Variants in ANKAR observed in about 807,000 individuals in gnomAD.
ANKAR encodes the protein ankyrin and armadillo repeat-containing protein.
ANKAR carries 136 observed loss-of-function variants against 146.2 expected under a neutral mutation model. The observed-to-expected ratio is 0.93, with a 90% CI of 0.81 to 1.07. ANKAR has a LOEUF of 1.07. ANKAR is among the 50% of genes least tolerant of loss of function. ANKAR has a pLI of 0.00. For missense variants in ANKAR, 1,567 were observed against 1,679.9 expected, an observed-to-expected ratio of 0.93 and a Z score of 1.18; for synonymous variants, 500 against 575.8, an observed-to-expected ratio of 0.87 and a Z score of 1.88.
intron 7 of ANKAR, among the ~76,000 whole-genome samples, chr2:189,704,406 A>C (rs1342092215): frequency 6.6e-6 from 1 of 151,188 alleles, no homozygotes; most frequent in Non-Finnish European, 1.5e-5. Context: ...CAGCTTCCCA[A>C]AGTGCTGGGA....
chr2:189,693,071 T>A lies in ANKAR; in HGVS notation c.1204-3T>A, dbSNP rs1219645355. 1 of 1,429,794 alleles carries A rather than the reference T, an allele frequency of 7.0e-7. No individual in the cohort carries two copies. Among genetic ancestry groups the A allele is most frequent in the Non-Finnish European group, 9.6e-7 (1 of 1,041,068 alleles). The allele number at this position is 1,429,794 out of a possible 1,614,324, so 88.6% of individuals were successfully genotyped here. On this transcript the variant is annotated splice_region_variant and splice_polypyrimidine_tract_variant and intron_variant, in intron 4 of 22. Coordinates refer to ENST00000684021, the MANE Select transcript of ANKAR (RefSeq NM_001378068.1). ...GTCTTTAGTAACATAACTCATATTT[T>A]AGAAAAATTTAGAAAAAATACGAGA...
intron 10 of ANKAR, among the ~76,000 whole-genome samples, chr2:189,715,123 A>T (rs1194565609): frequency 6.6e-6 from 1 of 152,020 alleles, no homozygotes; most frequent in Non-Finnish European, 1.5e-5. Flanking sequence ...GACACAAAAA[A>T]CCTTCAAAAT....
intron 18 of ANKAR, among the ~76,000 whole-genome samples, chr2:189,757,867 C>G (rs1328700564): frequency 6.6e-6 from 1 of 152,184 alleles, no homozygotes; most frequent in Non-Finnish European, 1.5e-5. Flanking sequence ...GACCTATGCT[C>G]TAGCTAAACT....
At chr2:189,732,655 C>A (rs2042516155) in intron 16 of ANKAR, among the ~76,000 whole-genome samples, 1 of 91,772 alleles carries the variant, frequency 1.1e-5, no homozygotes, top group Non-Finnish European at 2.3e-5. Flanking sequence ...AGCAAGACTC[C>A]ATCTAAAAAA....
chr2:189,678,250 G>A (rs1317740538), intron 2 of ANKAR, among the ~76,000 whole-genome samples: 1 of 152,104 alleles, frequency 6.6e-6, no homozygotes, highest in African/African-American at 2.4e-5. Context: ...TTTGAAAATT[G>A]TCTATTCATG....
downstream of ANKAR, among the ~76,000 whole-genome samples, chr2:189,749,233 G>T (rs1443667760): frequency 8.0e-6 from 1 of 124,890 alleles, no homozygotes; most frequent in Non-Finnish European, 1.6e-5. Flanking sequence ...ACAACAGAGC[G>T]AGACTCTGTC....
intron 10 of ANKAR, among the ~76,000 whole-genome samples, chr2:189,716,535 G>A (rs77411106): frequency 0.98 from 148,968 of 151,844 alleles, 73,134 homozygotes; most frequent in South Asian, 1. Flanking sequence ...TATAGATTCA[G>A]TGCCATCCCC....
intron 2 of ANKAR, among the ~76,000 whole-genome samples, chr2:189,681,068 A>T (rs990766969): frequency 2.6e-5 from 4 of 152,178 alleles, no homozygotes; most frequent in Non-Finnish European, 2.9e-5. Context: ...TGAGGCTCTC[A>T]TTTGAGAGGA....
chr2:189,681,993 C>G (rs964820373), intron 2 of ANKAR, among the ~76,000 whole-genome samples: 1 of 152,192 alleles, frequency 6.6e-6, no homozygotes, highest in African/African-American at 2.4e-5. Flanking sequence ...CTCTCTGCCT[C>G]AAACCTTTTA....
intron 7 of ANKAR, among the ~76,000 whole-genome samples, chr2:189,701,757 T>A (rs2038086242): frequency 6.6e-6 from 1 of 152,250 alleles, no homozygotes; most frequent in East Asian, 1.9e-4. Flanking sequence ...ATATTAATCA[T>A]AGTTTTAAAT....
chr2:189,754,631 C>T (rs1448750602), intron 18 of ANKAR: 15 of 357,414 alleles, frequency 4.2e-5, no homozygotes, highest in South Asian at 1.4e-4. Context: ...TAATGATGAA[C>T]GTCAATAATA....
chr2:189,679,959 G>A (rs577401090), intron 2 of ANKAR, among the ~76,000 whole-genome samples: 2 of 152,120 alleles, frequency 1.3e-5, no homozygotes, highest in Non-Finnish European at 2.9e-5. Flanking sequence ...GGTGATACTG[G>A]CTTCATAGAA....
intron 18 of ANKAR, among the ~76,000 whole-genome samples, chr2:189,760,643 C>A (rs1052113446): frequency 6.6e-6 from 1 of 151,830 alleles, no homozygotes; most frequent in Admixed American, 6.6e-5. Context: ...TGCAAAAAAT[C>A]AGCTGGGCGT....
chr2:189,761,771 G>A (rs1051730796), downstream of ANKAR: 13 of 1,105,226 alleles, frequency 1.2e-5, no homozygotes, highest in Non-Finnish European at 1.6e-5. Flanking sequence ...GTCACCAAAA[G>A]TTTGTAAAGG....
chr2:189,720,898 G>C, intron 12 of ANKAR, 111 bp downstream of exon 12: 1 of 854,482 alleles, frequency 1.2e-6, no homozygotes. Flanking sequence ...TGTTTGAATA[G>C]ATCTAAACGT....
At chr2:189,734,664 TTATTC>T (rs2042684197) in intron 17 of ANKAR, among the ~76,000 whole-genome samples, 1 of 152,102 alleles carries the variant, frequency 6.6e-6, no homozygotes, top group African/African-American at 2.4e-5. Context: ...ATACAAAATT[TTATTC>T]TACTGTGGTA....
chr2:189,705,342 A>G, intron 8 of ANKAR, 118 bp downstream of exon 8: 1 of 1,008,276 alleles, frequency 9.9e-7, no homozygotes, highest in Non-Finnish European at 1.4e-6. Context: ...TGCCACACAC[A>G]CTGCCACTAA....
chr2:189,746,747 CGATACTAAGCA>C (rs201037870), downstream of ANKAR: 70,561 of 1,100,594 alleles, frequency 0.064, 2,599 homozygotes, highest in Middle Eastern at 0.086. Flanking sequence ...TTCTTGATCT[CGATACTAAGCA>C]GATTTTCCTT....
At chr2:189,761,146 G>T (rs937931154) in exon 19 of ANKAR, 1 of 264,418 alleles carries the variant, frequency 3.8e-6, no homozygotes, top group African/African-American at 2.2e-5. Context: ...GTGGAGAAAA[G>T]AAGGAATGCA....
Sources: allele counts gnomAD v4.1 joint callset (sites outside exome capture counted in the v4.1 genomes callset), GRCh38; gene constraint gnomAD v4.1.1; transcripts MANE v1.5; gene names NCBI Gene and HGNC (gene_info 2026-07-23, HGNC 2026-07-21).